PPP2R5E: variants seen among roughly 807,000 people sequenced by gnomAD.
PPP2R5E encodes protein phosphatase 2 regulatory subunit B'epsilon, also known as serine/threonine-protein phosphatase 2A 56 kDa regulatory subunit epsilon isoform.
A neutral mutation model predicts 65.3 loss-of-function variants in PPP2R5E; 4 were observed. The observed-to-expected ratio is 0.06, with a 90% CI of 0.03 to 0.14. The LOEUF (loss-of-function observed/expected upper bound fraction) is 0.14. Ranked by LOEUF, PPP2R5E falls within the 10% of genes least tolerant of loss-of-function variation. The probability of loss-of-function intolerance (pLI) is 1.00; values close to 1 mark genes in which losing one functional copy is unlikely to be tolerated. For missense variants in PPP2R5E, 274 were observed against 556.1 expected (o/e 0.49, Z 5.10); for synonymous variants, 183 against 187.4 (o/e 0.98, Z 0.19).
chr14:63,488,203 AT>A (rs34672945), intron 2 of PPP2R5E, among the ~76,000 whole-genome samples: 48,517 of 147,886 alleles, frequency 0.33, 10,208 homozygotes, highest in African/African-American at 0.61. Context: ...TCAGTGAATG[AT>A]TTTTTTTTTT....
intron 2 of PPP2R5E, among the ~76,000 whole-genome samples, chr14:63,531,051 C>A (rs1204988450): frequency 6.6e-6 from 1 of 152,162 alleles, no homozygotes; most frequent in Admixed American, 6.5e-5. Context: ...CAACTGGGTA[C>A]AATCTTTCAT....
intron 2 of PPP2R5E, among the ~76,000 whole-genome samples, chr14:63,534,733 C>T (rs914695549): frequency 6.6e-6 from 1 of 152,206 alleles, no homozygotes; most frequent in Non-Finnish European, 1.5e-5. Flanking sequence ...AATCCTTCTG[C>T]CTCAGCCTCC....
chr14:63,512,478 T>A (rs911697000), intron 2 of PPP2R5E, among the ~76,000 whole-genome samples: 7 of 152,230 alleles, frequency 4.6e-5, no homozygotes, highest in Non-Finnish European at 8.8e-5. Context: ...TGATCACCAA[T>A]GTTTATAGAT....
intron 13 of PPP2R5E, among the ~76,000 whole-genome samples, chr14:63,376,662 AG>A (rs370295679): frequency 9.2e-5 from 14 of 152,374 alleles, no homozygotes; most frequent in African/African-American, 3.4e-4. Context: ...CCCAAAAATT[AG>A]ATGTCCAAAT....
Position 63,391,808 on chromosome 14 carries a change from A to T in PPP2R5E, c.954+9T>A. Reference sequence around the variant, plus strand: ...AAGCTATGAACACTCTCTGACAGTAAGCACTTACCTCTTTTTGACTACATG... The same window carrying T: ...AAGCTATGAACACTCTCTGACAGTATGCACTTACCTCTTTTTGACTACATG... On this transcript the variant is annotated intron_variant, in intron 10 of 13. Coordinates refer to ENST00000337537, the MANE Select transcript of PPP2R5E (RefSeq NM_006246.5). The T allele has an allele frequency of 6.2e-7, 1 of 1,611,742 alleles. No individual in the cohort carries two copies. The highest frequency in any genetic ancestry group is 8.5e-7 in the Non-Finnish European group (1 of 1,177,836).
chr14:63,384,984 C>T (rs544829063), intron 11 of PPP2R5E, among the ~76,000 whole-genome samples: 7 of 152,048 alleles, frequency 4.6e-5, no homozygotes, highest in South Asian at 2.1e-4. Flanking sequence ...CGTGAACCAC[C>T]GTGCCTGGCC....
Position 63,373,545 on chromosome 14 carries a change from G to T in PPP2R5E, c.*2464C>A, listed in dbSNP as rs1354752913. 1 of 152,158 alleles carries T rather than the reference G, an allele frequency of 6.6e-6. No individual in the cohort carries two copies. The highest frequency in any genetic ancestry group is 1.5e-5 in the Non-Finnish European group (1 of 68,030). 9.4% of individuals were successfully genotyped at this position (152,158 alleles called of 1,614,324 possible). On this transcript the variant is annotated 3_prime_UTR_variant, in exon 14 of 14. Coordinates refer to ENST00000337537, the MANE Select transcript of PPP2R5E (RefSeq NM_006246.5). ...TGTTTCTTCTCAGAAGTTGCCCTAC[G>T]AATTTTAGACATATAGCTTTAATTG...
chr14:63,424,610 G>T (rs995511398), intron 3 of PPP2R5E, among the ~76,000 whole-genome samples: 2 of 152,084 alleles, frequency 1.3e-5, no homozygotes, highest in Admixed American at 6.5e-5. Context: ...AATTAGCCGG[G>T]TGTGGTGGCG....
intron 12 of PPP2R5E, among the ~76,000 whole-genome samples, chr14:63,383,024 C>T (rs912290437): frequency 1.3e-5 from 2 of 152,144 alleles, no homozygotes; most frequent in Non-Finnish European, 2.9e-5. Flanking sequence ...CTCTGATCTG[C>T]ACCAGTCCTG....
chr14:63,515,894 G>A (rs1892652860), intron 2 of PPP2R5E, among the ~76,000 whole-genome samples: 1 of 144,582 alleles, frequency 6.9e-6, no homozygotes, highest in Admixed American at 7.0e-5. Context: ...CTGTCGCCCA[G>A]GCTGGAGTGC....
At chr14:63,472,180 A>G (rs1198374259) in intron 2 of PPP2R5E, among the ~76,000 whole-genome samples, 2 of 152,172 alleles carry the variant, frequency 1.3e-5, no homozygotes, top group Non-Finnish European at 2.9e-5. Flanking sequence ...GGCGCCTGTA[A>G]TCCCAGCTAC....
intron 2 of PPP2R5E, among the ~76,000 whole-genome samples, chr14:63,512,214 A>C (rs535014157): frequency 1.3e-5 from 2 of 152,276 alleles, no homozygotes; most frequent in South Asian, 4.1e-4. Context: ...CTTGCCAAAC[A>C]TCAAAAATAA....
At chr14:63,419,795 T>C (rs756219203) in intron 4 of PPP2R5E, among the ~76,000 whole-genome samples, 2 of 152,236 alleles carry the variant, frequency 1.3e-5, no homozygotes, top group Non-Finnish European at 2.9e-5. Context: ...TTGAACAGGA[T>C]GTCAACACAC....
chr14:63,413,204 A>G (rs1886500128), intron 5 of PPP2R5E, among the ~76,000 whole-genome samples: 1 of 152,218 alleles, frequency 6.6e-6, no homozygotes, highest in Non-Finnish European at 1.5e-5. Flanking sequence ...TCTACCATGG[A>G]CAGCACACTG....
Position 63,517,625 on chromosome 14 carries a change from T to G in PPP2R5E, c.157+21904A>C, listed in dbSNP as rs149036830. On this transcript the variant is annotated intron_variant, in intron 2 of 13. Coordinates refer to ENST00000337537, the MANE Select transcript of PPP2R5E (RefSeq NM_006246.5). ...GAAAAGCACTCACTCCACTCAATTTTCACCACCCACAAAATGCAGTGCAGA... is the reference window on the plus strand; with the variant it reads ...GAAAAGCACTCACTCCACTCAATTTGCACCACCCACAAAATGCAGTGCAGA... 6.4e-4 allele frequency among the ~76,000 whole-genome samples: 97 copies of G among 152,298 alleles called. No homozygotes were observed. In the East Asian group the frequency reaches 0.017, roughly 26 times the overall value.
chr14:63,411,392 T>C (rs1485332077), intron 5 of PPP2R5E, among the ~76,000 whole-genome samples: 3 of 152,174 alleles, frequency 2.0e-5, no homozygotes, highest in Admixed American at 1.3e-4. Context: ...AACAACTTTT[T>C]CTTTTTTTTA....
chr14:63,497,376 C>G (rs1246842639), intron 2 of PPP2R5E, among the ~76,000 whole-genome samples: 2 of 152,086 alleles, frequency 1.3e-5, no homozygotes, highest in Admixed American at 1.3e-4. Flanking sequence ...TTCTTGACTA[C>G]AAGCATCATC....
rs572539894 is a variant in PPP2R5E at position 63,486,118 on chromosome 14, C to T, written c.158-32233G>A. On this transcript the variant is annotated intron_variant, in intron 2 of 13. Coordinates refer to ENST00000337537, the MANE Select transcript of PPP2R5E (RefSeq NM_006246.5). ...GTGCTGGGATTATAGGCATGAGCCA[C>T]TGCACTGGCCGACAACAAACGTTTT... is the stretch of plus-strand genomic sequence containing the variant. 6.8e-4 allele frequency among the ~76,000 whole-genome samples: 104 copies of T among 152,238 alleles called. 1 individual carries two copies. The highest frequency in any genetic ancestry group is 1.2e-3 in the Non-Finnish European group (79 of 68,026).
chr14:63,387,503 T>TA (rs1884741373), intron 11 of PPP2R5E, among the ~76,000 whole-genome samples: 1 of 151,942 alleles, frequency 6.6e-6, no homozygotes, highest in Admixed American at 6.6e-5. Context: ...CAAGCAATGA[T>TA]AAGTGTCTGG....
Sources: gnomAD v4.1 joint callset for allele counts (sites outside exome capture counted in the v4.1 genomes callset) on GRCh38, gnomAD v4.1.1 for gene constraint, MANE v1.5 for transcripts, NCBI Gene and HGNC (gene_info 2026-07-23, HGNC 2026-07-21) for gene names.